RASA1: variants seen among roughly 807,000 people sequenced by gnomAD.
RASA1 encodes RAS p21 protein activator 1.
Under a neutral mutation model 132.2 loss-of-function variants are expected in RASA1, and 25 were observed. The observed-to-expected ratio is 0.19, with a 90% CI of 0.14 to 0.26. RASA1 has a LOEUF of 0.26. Ranked by LOEUF, RASA1 falls within the 10% of genes least tolerant of loss-of-function variation. The probability of loss-of-function intolerance (pLI) is 1.00; values close to 1 mark genes in which losing one functional copy is unlikely to be tolerated. For synonymous variants in RASA1, 477 were observed against 449.9 expected, an observed-to-expected ratio of 1.06 and a Z score of -0.76; for missense variants, 964 against 1,299.2, an observed-to-expected ratio of 0.74 and a Z score of 3.97.
chr5:87,279,112 T>C (rs1272550810), intron 1 of RASA1, among the ~76,000 whole-genome samples: 1 of 152,070 alleles, frequency 6.6e-6, no homozygotes, highest in Non-Finnish European at 1.5e-5. Flanking sequence ...TTCGTGGTGT[T>C]GCACACCATA....
chr5:87,330,938 G>T, intron 1 of RASA1: 1 of 1,419,974 alleles, frequency 7.0e-7, no homozygotes, highest in Admixed American at 3.0e-5. Context: ...ATTCTCATAG[G>T]TTCCATGTGC....
Position 87,378,522 on chromosome 5 carries a change from G to C in RASA1, c.2471G>C (p.Ser824Thr). 6.2e-7 allele frequency: 1 copy of C among 1,610,686 alleles called. No homozygotes were observed. The highest frequency in any genetic ancestry group is 8.5e-7 in the Non-Finnish European group (1 of 1,177,044). The change falls in exon 18 of 25, where the codon AGC becomes ACC. Residue 824 changes from serine to threonine, a missense_variant. This residue lies in a region of RASA1 where 346 missense variants were observed against 520.1 expected (regional missense o/e 0.67). Transcript: ENST00000274376. ...GACTCTATTTTAAAGATAATGGAAA[G>C]CAAGCAGTCTTGTGAGGTAAGAATT... ...LKDSILKIME[S>T]KQSCELSPSK...
chr5:87,289,887 G>A (rs398463), intron 1 of RASA1, among the ~76,000 whole-genome samples: 85,294 of 151,902 alleles, frequency 0.56, 23,948 homozygotes, highest in Admixed American at 0.59. Context: ...GGGATCACAG[G>A]CATGAGCCAC....
intron 4 of RASA1, among the ~76,000 whole-genome samples, chr5:87,336,762 AT>A (rs1554045359): frequency 6.6e-6 from 1 of 152,024 alleles, no homozygotes. Flanking sequence ...TAATGTGCTT[AT>A]TTAGGTGGTT....
chr5:87,331,259 TA>T (rs778638852), intron 1 of RASA1, 88 bp from the exon 2 acceptor site: 137 of 1,351,530 alleles, frequency 1.0e-4, no homozygotes, highest in Non-Finnish European at 1.4e-5. Flanking sequence ...TGTAGGCATT[TA>T]AAACCTCTAG....
intron 1 of RASA1, among the ~76,000 whole-genome samples, chr5:87,304,395 T>G (rs6861271): frequency 0.066 from 9,988 of 152,226 alleles, 736 homozygotes; most frequent in African/African-American, 0.18. Flanking sequence ...CCCTAACAAT[T>G]CTAGGAACTT....
chr5:87,358,049 A>G (rs1759787565), intron 9 of RASA1, among the ~76,000 whole-genome samples: 1 of 152,332 alleles, frequency 6.6e-6, no homozygotes, highest in South Asian at 2.1e-4. Context: ...TTTAACTATT[A>G]GTACAAAAGC....
chr5:87,332,143 A>T (rs2112368365), intron 2 of RASA1, among the ~76,000 whole-genome samples: 1 of 152,238 alleles, frequency 6.6e-6, no homozygotes, highest in East Asian at 1.9e-4. Context: ...TTGTGTAAAT[A>T]TTGCAAGAGA....
chr5:87,315,230 T>G (rs1401887954), intron 1 of RASA1, among the ~76,000 whole-genome samples: 1 of 152,224 alleles, frequency 6.6e-6, no homozygotes, highest in Non-Finnish European at 1.5e-5. Flanking sequence ...TTTAAAAAAC[T>G]ATTTCTTACA....
chr5:87,327,948 C>A (rs574625477), intron 1 of RASA1, among the ~76,000 whole-genome samples: 1 of 146,742 alleles, frequency 6.8e-6, no homozygotes, highest in African/African-American at 2.5e-5. Flanking sequence ...ACCTGGGTAA[C>A]AGAGCAAGAC....
intron 1 of RASA1, among the ~76,000 whole-genome samples, chr5:87,313,763 C>T (rs771836680): frequency 2.6e-4 from 39 of 152,110 alleles, no homozygotes; most frequent in Non-Finnish European, 4.0e-4. Context: ...AAGGGATCAA[C>T]GAGATGACAT....
intron 9 of RASA1, among the ~76,000 whole-genome samples, chr5:87,355,509 A>T (rs1759586926): frequency 1.3e-5 from 2 of 152,178 alleles, no homozygotes; most frequent in South Asian, 4.1e-4. Context: ...TCCTTTGAAA[A>T]TGTTACTGAT....
intron 16 of RASA1, 27 bp from the exon 17 acceptor site, chr5:87,376,854 A>C (rs1761362591): frequency 6.4e-7 from 1 of 1,565,436 alleles, no homozygotes; most frequent in African/African-American, 1.4e-5. Context: ...TACGTACTTT[A>C]AACAATCTTT....
intron 1 of RASA1, among the ~76,000 whole-genome samples, chr5:87,279,324 G>A (rs1250808820): frequency 6.6e-6 from 1 of 152,194 alleles, no homozygotes; most frequent in Non-Finnish European, 1.5e-5. Flanking sequence ...GTAAGTTGAA[G>A]TATCAATATT....
intron 11 of RASA1, chr5:87,366,527 A>AG (rs1760530882): frequency 4.9e-6 from 1 of 202,798 alleles, no homozygotes; most frequent in Admixed American, 4.9e-5. Context: ...TCTGTCTGGT[A>AG]GGGGGAAAGC....
intron 1 of RASA1, among the ~76,000 whole-genome samples, chr5:87,275,567 G>A (rs1290134595): frequency 2.0e-5 from 3 of 151,768 alleles, no homozygotes; most frequent in South Asian, 2.1e-4. Flanking sequence ...CTTGAAGAAG[G>A]TTGGCCTTCT....
chr5:87,379,717 A>T lies in RASA1; in HGVS notation c.2488-18A>T, dbSNP rs1561325007. 6.2e-7 allele frequency: 1 copy of T among 1,610,524 alleles called. No homozygotes were observed. Among genetic ancestry groups the T allele is most frequent in the South Asian group, 1.1e-5 (1 of 90,670 alleles). On this transcript the variant is annotated intron_variant, in intron 18 of 24. Coordinates refer to ENST00000274376, the MANE Select transcript of RASA1 (RefSeq NM_002890.3). ...TCATTGCCAACATGCATTTATATTG[A>T]TTTATTCCTTCTTTTAGTTAAGTCC... is the stretch of plus-strand genomic sequence containing the variant.
chr5:87,322,559 C>A (rs1756907747), intron 1 of RASA1, among the ~76,000 whole-genome samples: 1 of 152,144 alleles, frequency 6.6e-6, no homozygotes, highest in South Asian at 2.1e-4. Context: ...CTTGCTCTCT[C>A]TGGTCATGTG....
At chr5:87,279,079 A>G (rs1264935653) in intron 1 of RASA1, among the ~76,000 whole-genome samples, 1 of 151,996 alleles carries the variant, frequency 6.6e-6, no homozygotes, top group Non-Finnish European at 1.5e-5. Flanking sequence ...CCTTGTCTCT[A>G]CAAAAAAAAC....
Sources: allele counts gnomAD v4.1 joint callset (sites outside exome capture counted in the v4.1 genomes callset), GRCh38; gene constraint gnomAD v4.1.1; regional missense constraint gnomAD v4.1.1; transcripts MANE v1.5; gene names NCBI Gene and HGNC (gene_info 2026-07-23, HGNC 2026-07-21).